Variants in TMEM14A observed in about 807,000 individuals in gnomAD.
TMEM14A encodes the protein transmembrane protein 14A.
Under a neutral mutation model 11.6 loss-of-function variants are expected in TMEM14A, and 8 were observed. The ratio of observed to expected loss-of-function variants is 0.69; its 90% CI spans 0.40 to 1.24. The LOEUF (loss-of-function observed/expected upper bound fraction) is 1.24. Ranked by LOEUF, TMEM14A falls within the 50% of genes most tolerant of loss-of-function variation. The pLI is 0.01. For synonymous variants in TMEM14A, 34 were observed against 45.5 expected, an observed-to-expected ratio of 0.75 and a Z score of 1.02; for missense variants, 108 against 121.9, an observed-to-expected ratio of 0.89 and a Z score of 0.54.
At chr6:52,674,074 T>C (rs1769211142) in intron 1 of TMEM14A, among the ~76,000 whole-genome samples, 1 of 152,206 alleles carries the variant, frequency 6.6e-6, no homozygotes, top group African/African-American at 2.4e-5. Context: ...ATTTTTGTTA[T>C]CCCTATTTTA....
intron 1 of TMEM14A, 44 bp downstream of exon 1, chr6:52,671,289 T>G (rs2127260501): frequency 6.6e-6 from 1 of 152,398 alleles, no homozygotes; most frequent in African/African-American, 2.4e-5. Context: ...GCTCTGAATT[T>G]TCTTACAAAA....
rs1190694924 is a variant in TMEM14A, at chr6:52,681,795, A to T, written c.71-18A>T. On this transcript the variant is annotated intron_variant, in intron 2 of 4. Transcript: ENST00000211314. ...TTTGGGATTCTCTTTGTGATCTCAT[A>T]TTTTTTTCCCCTTCCAGGTGGTGTT... The T allele has an allele frequency of 6.2e-7, 1 of 1,607,626 alleles. No individual in the cohort carries two copies. Among genetic ancestry groups the T allele is most frequent in the African/African-American group, 1.3e-5 (1 of 74,586 alleles).
chr6:52,676,405 A>G (rs1384911108), intron 1 of TMEM14A, among the ~76,000 whole-genome samples: 1 of 152,168 alleles, frequency 6.6e-6, no homozygotes, highest in Non-Finnish European at 1.5e-5. Context: ...CGTGCATGCC[A>G]TCACACCCAG....
chr6:52,680,422 C>T (rs1192661969), intron 2 of TMEM14A, among the ~76,000 whole-genome samples: 1 of 150,974 alleles, frequency 6.6e-6, no homozygotes, highest in Non-Finnish European at 1.5e-5. Context: ...GATTATTTTT[C>T]CTAAGAGCTT....
At chr6:52,684,057 A>G in intron 3 of TMEM14A, 21 bp from the exon 4 acceptor site, 1 of 1,608,170 alleles carries the variant, frequency 6.2e-7, no homozygotes, top group Middle Eastern at 1.7e-4. Context: ...ACTCTGGTTC[A>G]TGAATTAGTT....
At chr6:52,671,911 T>G (rs568989904) in intron 1 of TMEM14A, among the ~76,000 whole-genome samples, 10 of 152,362 alleles carry the variant, frequency 6.6e-5, no homozygotes, top group Middle Eastern at 6.8e-3. Flanking sequence ...GGCTTTAATG[T>G]GTGCTTCTGG....
chr6:52,684,200 G>A (rs1176071686), intron 4 of TMEM14A, 35 bp downstream of exon 4: 3 of 1,579,364 alleles, frequency 1.9e-6, no homozygotes, highest in South Asian at 1.2e-5. Context: ...ACTTTCCTCT[G>A]CTGTTGTTTT....
intron 1 of TMEM14A, among the ~76,000 whole-genome samples, chr6:52,673,495 A>G (rs1769200863): frequency 6.6e-6 from 1 of 151,998 alleles, no homozygotes; most frequent in East Asian, 1.9e-4. Flanking sequence ...TAAGCCCCTA[A>G]TGGGTCTCTT....
intron 2 of TMEM14A, 79 bp downstream of exon 2, chr6:52,677,251 G>A (rs1229443294): frequency 1.4e-6 from 2 of 1,480,520 alleles, no homozygotes; most frequent in East Asian, 2.3e-5. Flanking sequence ...GGCTCTGTAA[G>A]TAGGATGAGA....
At chr6:52,675,693 C>G (rs1455913261) in intron 1 of TMEM14A, among the ~76,000 whole-genome samples, 1 of 152,244 alleles carries the variant, frequency 6.6e-6, no homozygotes, top group East Asian at 1.9e-4. Flanking sequence ...GTGTGGATGT[C>G]TCTGCTACCA....
At chr6:52,685,419 C>T (rs1458296344) in intron 4 of TMEM14A, among the ~76,000 whole-genome samples, 2 of 151,922 alleles carry the variant, frequency 1.3e-5, no homozygotes, top group East Asian at 3.9e-4. Context: ...CATGGCAAAA[C>T]CCCATCTCTA....
At chr6:52,685,068 A>T (rs2127266311) in intron 4 of TMEM14A, among the ~76,000 whole-genome samples, 1 of 152,370 alleles carries the variant, frequency 6.6e-6, no homozygotes, top group Middle Eastern at 3.4e-3. Flanking sequence ...GTGATTAAAA[A>T]AAGTTTGTGT....
At chr6:52,678,200 T>C (rs1037791573) in intron 2 of TMEM14A, among the ~76,000 whole-genome samples, 2 of 152,192 alleles carry the variant, frequency 1.3e-5, no homozygotes, top group African/African-American at 4.8e-5. Context: ...AAATTTTCAC[T>C]GTCAAAGACA....
At chr6:52,680,691 G>A (rs55926115) in intron 2 of TMEM14A, among the ~76,000 whole-genome samples, 14,191 of 33,268 alleles carry the variant, frequency 0.43, 3,218 homozygotes, top group Non-Finnish European at 0.52. Context: ...ATACATATAT[G>A]TATATATATA....
chr6:52,671,884 A>G (rs1442739691), intron 1 of TMEM14A, among the ~76,000 whole-genome samples: 1 of 152,108 alleles, frequency 6.6e-6, no homozygotes, highest in African/African-American at 2.4e-5. Flanking sequence ...TATCCCTTCC[A>G]TGTTAACACA....
At position 52,681,920 on chromosome 6, in the gene TMEM14A, T is replaced by A. The variant is rs1769398864; in HGVS notation, c.172+6T>A. On this transcript the variant is annotated splice_donor_region_variant and intron_variant, in intron 3 of 4. Coordinates refer to ENST00000211314, the MANE Select transcript of TMEM14A (RefSeq NM_014051.4). ...AGATGTAAAAGTGTCACTGTGTAAG[T>A]AAGGCATTTTTCCTGGTTACAGAGA... 6.2e-7 allele frequency: 1 copy of A among 1,611,870 alleles called. No individual in the cohort carries two copies. The highest frequency in any genetic ancestry group is 1.3e-5 in the African/African-American group (1 of 74,874).
At chr6:52,676,396 G>A (rs892084803) in intron 1 of TMEM14A, among the ~76,000 whole-genome samples, 2 of 152,124 alleles carry the variant, frequency 1.3e-5, no homozygotes, top group African/African-American at 4.8e-5. Context: ...GGGATCACAC[G>A]TGCATGCCAT....
chr6:52,680,880 G>A (rs992787296), intron 2 of TMEM14A, among the ~76,000 whole-genome samples: 1 of 149,674 alleles, frequency 6.7e-6, no homozygotes, highest in Non-Finnish European at 1.5e-5. Context: ...TGTGTTGTGT[G>A]TGTGTGTTTG....
At chr6:52,682,584 G>A (rs1349278898) in intron 3 of TMEM14A, among the ~76,000 whole-genome samples, 1 of 94,866 alleles carries the variant, frequency 1.1e-5, no homozygotes, top group East Asian at 3.4e-4. Context: ...GAAGGAGAGT[G>A]AGAGATTTGG....
Sources: allele counts gnomAD v4.1 joint callset (sites outside exome capture counted in the v4.1 genomes callset), GRCh38; gene constraint gnomAD v4.1.1; transcripts MANE v1.5; gene names NCBI Gene and HGNC (gene_info 2026-07-23, HGNC 2026-07-21).